The following MROH1 variants were observed in gnomAD, a reference collection of about 807,000 sequenced individuals.
MROH1 encodes maestro heat-like repeat-containing protein family member 1.
MROH1 carries 117 observed loss-of-function variants against 116.5 expected under a neutral mutation model. That is an observed-to-expected ratio of 1.00 (90% CI 0.86 to 1.17). MROH1 has a LOEUF of 1.17. Among genes scored for constraint, MROH1 ranks in the 50% most tolerant of loss-of-function variants. The pLI is 0.00. For synonymous variants in MROH1, 921 were observed against 583.9 expected (o/e 1.58, Z -8.32); for missense variants, 1,873 against 1,338.5 (o/e 1.40, Z -6.23).
At chr8:144,221,012 A>G (rs10866906) in intron 13 of MROH1, among the ~76,000 whole-genome samples, 148,100 of 152,254 alleles carry the variant, frequency 0.97, 72,157 homozygotes, top group South Asian at 1. Context: ...GCAGGTCCAC[A>G]TCAGCCATGG....
At chr8:144,165,487 C>A (rs528348200) in intron 3 of MROH1, among the ~76,000 whole-genome samples, 1 of 152,288 alleles carries the variant, frequency 6.6e-6, no homozygotes, top group Non-Finnish European at 1.5e-5. Flanking sequence ...TCAGGGTGGT[C>A]TTGAACGCTT....
At chr8:144,196,368 T>G (rs549567580) in intron 10 of MROH1, among the ~76,000 whole-genome samples, 1 of 151,886 alleles carries the variant, frequency 6.6e-6, no homozygotes. Flanking sequence ...ATTATTATTA[T>G]TATTGAGACA....
chr8:144,150,465 G>A (rs1009808621), intron 1 of MROH1, among the ~76,000 whole-genome samples: 14 of 152,184 alleles, frequency 9.2e-5, no homozygotes, highest in Admixed American at 2.0e-4. Context: ...GTGGAAAAGT[G>A]GATGTTTAGC....
At chr8:144,175,554 C>T (rs1218086925) in intron 4 of MROH1, 35 of 985,002 alleles carry the variant, frequency 3.6e-5, no homozygotes, top group Non-Finnish European at 4.1e-5. Context: ...CTCAGCTCTG[C>T]GACGTCCCAG....
At chr8:144,260,083 G>A (rs1321004877) in intron 38 of MROH1, 26 bp downstream of exon 38, 4 of 733,488 alleles carry the variant, frequency 5.5e-6, no homozygotes, top group African/African-American at 5.2e-5. Context: ...GCCCCTCTGG[G>A]TCCCAGGCAG....
intron 2 of MROH1, among the ~76,000 whole-genome samples, chr8:144,161,730 T>C (rs944535829): frequency 6.6e-6 from 1 of 152,172 alleles, no homozygotes; most frequent in East Asian, 1.9e-4. Flanking sequence ...CCTGTTTGAG[T>C]TGGGTGAGCG....
intron 7 of MROH1, among the ~76,000 whole-genome samples, chr8:144,189,920 C>T (rs983284881): frequency 6.6e-6 from 1 of 152,210 alleles, no homozygotes; most frequent in Non-Finnish European, 1.5e-5. Context: ...TCTTTGGTGA[C>T]AAGCACCAAG....
chr8:144,168,462 GA>G, intron 4 of MROH1, 22 bp downstream of exon 4: 1 of 1,585,954 alleles, frequency 6.3e-7, no homozygotes, highest in Non-Finnish European at 8.6e-7. Context: ...CCTTGGTGGG[GA>G]TGATGTTGTC....
intron 14 of MROH1, among the ~76,000 whole-genome samples, chr8:144,228,906 A>G (rs1052037770): frequency 6.6e-6 from 1 of 152,146 alleles, no homozygotes; most frequent in African/African-American, 2.4e-5. Flanking sequence ...ATTCCTCTCA[A>G]ACCCTGCCAC....
chr8:144,234,241 C>A (rs1554823814), intron 14 of MROH1, among the ~76,000 whole-genome samples: 1 of 152,010 alleles, frequency 6.6e-6, no homozygotes. Flanking sequence ...GATCTCCTGA[C>A]CTCGTGATCC....
chr8:144,235,247 CTTATT>C (rs1839858374), intron 14 of MROH1, among the ~76,000 whole-genome samples: 1 of 152,100 alleles, frequency 6.6e-6, no homozygotes, highest in Non-Finnish European at 1.5e-5. Context: ...GTTGAACTTG[CTTATT>C]TTAATAGTTT....
chr8:144,239,538 T>G, intron 17 of MROH1, 76 bp from the exon 18 acceptor site: 1 of 760,284 alleles, frequency 1.3e-6, no homozygotes, highest in South Asian at 1.4e-5. Flanking sequence ...TCGGGTGATG[T>G]GGTCCTGCAG....
rs1433912329 is a variant in MROH1, at chr8:144,260,796, G to A, written c.4500G>A (p.Leu1500=). Residue 1500 remains leucine, a synonymous_variant, in exon 40 of 44, where the codon CTG becomes CTA. Coordinates refer to ENST00000326134, the MANE Select transcript of MROH1 (RefSeq NM_032450.3). ...DQVVGGLAPL[L]LHLQDPQATV... ...TGGTGGGCGGGCTGGCGCCCCTGCT[G>A]CTGCACCTGCAGGACCCTCAGGCCA... 1.0e-5 allele frequency: 8 copies of A among 778,076 alleles called. No individual in the cohort carries two copies. The African/African-American group carries it at 1.4e-4, about 13-fold the overall frequency. The allele number at this position is 778,076 out of a possible 1,614,324, so 48.2% of individuals were successfully genotyped here. A position where few individuals can be genotyped will look rare whatever the true frequency, so the allele number is the denominator to read the frequency against.
intron 4 of MROH1, among the ~76,000 whole-genome samples, chr8:144,178,693 G>A (rs1465265966): frequency 6.6e-6 from 1 of 152,230 alleles, no homozygotes; most frequent in Non-Finnish European, 1.5e-5. Context: ...TGGAGGGAGG[G>A]GCCATGGTGG....
At position 144,261,288 on chromosome 8, in the gene MROH1, C is replaced by T. The variant is rs1721629174; in HGVS notation, c.4779C>T (p.Phe1593=). 4.1e-6 allele frequency: 3 copies of T among 730,076 alleles called. No individual in the cohort carries two copies. Among genetic ancestry groups the T allele is most frequent in the South Asian group, 2.8e-5 (2 of 70,902 alleles). The allele number at this position is 730,076 out of a possible 1,614,324, so 45.2% of individuals were successfully genotyped here. Residue 1593 remains phenylalanine, a synonymous_variant, in exon 43 of 44, where the codon TTC becomes TTT. Transcript: ENST00000326134. ...CCTGATGCCCCCACTTCACAGGGTT[C>T]CTGGTGCTGCACTCGGAGCCCAGGC... The part of the protein sequence containing the change: ...VRAAAPLFTG[F]LVLHSEPRQQ...
chr8:144,241,850 A>G (rs1841046370), intron 22 of MROH1, among the ~76,000 whole-genome samples: 1 of 152,150 alleles, frequency 6.6e-6, no homozygotes, highest in African/African-American at 2.4e-5. Context: ...GTGCTGGCGG[A>G]GCCTAAGCCT....
chr8:144,245,017 ACT>A, intron 28 of MROH1, 137 bp from the exon 29 acceptor site: 1 of 706,220 alleles, frequency 1.4e-6, no homozygotes. Flanking sequence ...GGCTGGCACC[ACT>A]CTGGGTCCCC....
chr8:144,256,129 C>T (rs986382254), intron 35 of MROH1, among the ~76,000 whole-genome samples: 5 of 152,166 alleles, frequency 3.3e-5, no homozygotes, highest in African/African-American at 1.2e-4. Context: ...CACGTGTTCA[C>T]AGCCCCACAC....
At chr8:144,261,522 T>TA in intron 43 of MROH1, 133 bp from the exon 44 acceptor site, 1 of 687,696 alleles carries the variant, frequency 1.5e-6, no homozygotes, top group Admixed American at 2.1e-5. Flanking sequence ...TAAAAAACAC[T>TA]AAAAAAGGAA....
Sources: gnomAD v4.1 joint callset for allele counts (sites outside exome capture counted in the v4.1 genomes callset) on GRCh38, gnomAD v4.1.1 for gene constraint, MANE v1.5 for transcripts, NCBI Gene and HGNC (gene_info 2026-07-23, HGNC 2026-07-21) for gene names.